Variants in LRRTM3 observed in about 807,000 individuals in gnomAD.
The protein encoded by LRRTM3 is leucine-rich repeat transmembrane neuronal protein 3.
LRRTM3 carries 24 observed loss-of-function variants against 44.7 expected under a neutral mutation model. The observed-to-expected ratio is 0.54, with a 90% CI of 0.39 to 0.76. The LOEUF (loss-of-function observed/expected upper bound fraction) is 0.76. Among genes scored for constraint, LRRTM3 ranks in the 30% least tolerant of loss-of-function variants. LRRTM3 has a pLI of 0.00. For synonymous variants in LRRTM3, 277 were observed against 278.7 expected, an observed-to-expected ratio of 0.99 and a Z score of 0.06; for missense variants, 587 against 702.2, an observed-to-expected ratio of 0.84 and a Z score of 1.85.
Position 67,004,842 on chromosome 10 carries a change from T to C in LRRTM3, c.1536+76390T>C, listed in dbSNP as rs1851880539. On this transcript the variant is annotated intron_variant, in intron 2 of 2. Transcript: ENST00000361320. ...CTTTGTTTAAACATATACAACTATG[T>C]ATGTTCAGTCTGACAAAGCCACCAC... Among the ~76,000 whole-genome samples the C allele has an allele frequency of 5.3e-5, 8 of 152,324 alleles. No homozygotes were observed. In the South Asian group the frequency reaches 1.7e-3, roughly 32 times the overall value.
intron 2 of LRRTM3, among the ~76,000 whole-genome samples, chr10:67,069,436 T>C (rs1466938490): frequency 6.6e-6 from 1 of 152,102 alleles, no homozygotes; most frequent in Non-Finnish European, 1.5e-5. Context: ...GTTTTTGAAG[T>C]ATAAGATTTT....
chr10:66,990,696 A>G (rs1012245204), intron 2 of LRRTM3, among the ~76,000 whole-genome samples: 1 of 152,214 alleles, frequency 6.6e-6, no homozygotes, highest in African/African-American at 2.4e-5. Flanking sequence ...GGATGTTTAT[A>G]GCAAAGTTAA....
At chr10:66,999,829 T>G (rs987646108) in intron 2 of LRRTM3, among the ~76,000 whole-genome samples, 4 of 152,202 alleles carry the variant, frequency 2.6e-5, no homozygotes, top group African/African-American at 9.6e-5. Context: ...TGTATACTAA[T>G]TCTAGTCTTA....
intron 2 of LRRTM3, among the ~76,000 whole-genome samples, chr10:66,993,520 T>G (rs1589563623): frequency 6.6e-6 from 1 of 152,116 alleles, no homozygotes; most frequent in East Asian, 1.9e-4. Context: ...TTAGGCTTCT[T>G]CAACACCATT....
intron 2 of LRRTM3, among the ~76,000 whole-genome samples, chr10:66,937,896 T>C (rs1847796783): frequency 6.6e-6 from 1 of 152,164 alleles, no homozygotes; most frequent in South Asian, 2.1e-4. Context: ...TTCTGTTTTT[T>C]TTCCCCCTCT....
intron 2 of LRRTM3, among the ~76,000 whole-genome samples, chr10:67,037,869 T>C (rs1854159822): frequency 6.6e-6 from 1 of 152,058 alleles, no homozygotes; most frequent in African/African-American, 2.4e-5. Context: ...GTTGATATTA[T>C]GGAAACCCAG....
intron 2 of LRRTM3, among the ~76,000 whole-genome samples, chr10:67,068,098 A>AAGACAAAT (rs1856202480): frequency 6.6e-6 from 1 of 152,232 alleles, no homozygotes; most frequent in Admixed American, 6.5e-5. Context: ...ATCAAATTAG[A>AAGACAAAT]AGACAAATCT....
rs1856698891 is a variant in LRRTM3 at position 67,075,446 on chromosome 10, C to A, written c.1537-22141C>A. ...AGAGCAGAGTTGACTTGGGTCTGGG[C>A]ACAAGTAGGACACCTGCCACTATTA... On this transcript the variant is annotated intron_variant, in intron 2 of 2. Coordinates refer to ENST00000361320, the MANE Select transcript of LRRTM3 (RefSeq NM_178011.5). Among the ~76,000 whole-genome samples, 3 of 151,940 alleles carry A rather than the reference C, an allele frequency of 2.0e-5. No individual in the cohort carries two copies. The South Asian group carries it at 6.2e-4, about 32-fold the overall frequency.
intron 2 of LRRTM3, among the ~76,000 whole-genome samples, chr10:67,004,973 A>T (rs182174269): frequency 9.2e-5 from 14 of 152,248 alleles, no homozygotes; most frequent in Non-Finnish European, 1.8e-4. Flanking sequence ...AATTAGTAAG[A>T]CTGAATTTGT....
chr10:66,994,883 A>G (rs896755581), intron 2 of LRRTM3, among the ~76,000 whole-genome samples: 3 of 152,196 alleles, frequency 2.0e-5, no homozygotes, highest in African/African-American at 7.2e-5. Context: ...TATGAAATGT[A>G]AAACTAGGAA....
At chr10:67,053,754 G>C (rs966631271) in intron 2 of LRRTM3, among the ~76,000 whole-genome samples, 1 of 152,052 alleles carries the variant, frequency 6.6e-6, no homozygotes, top group Non-Finnish European at 1.5e-5. Flanking sequence ...AGTATGAAAC[G>C]AATTCTGCTA....
At chr10:66,929,355 G>A (rs371811586) in intron 2 of LRRTM3, among the ~76,000 whole-genome samples, 235 of 152,326 alleles carry the variant, frequency 1.5e-3, no homozygotes, top group African/African-American at 5.5e-3. Flanking sequence ...GTGGTTGAGA[G>A]CTTACCAGAA....
intron 2 of LRRTM3, among the ~76,000 whole-genome samples, chr10:66,984,935 G>A (rs1357509257): frequency 2.0e-5 from 3 of 151,768 alleles, no homozygotes; most frequent in Non-Finnish European, 4.4e-5. Context: ...ATTAATTCAA[G>A]GTAGGCACCT....
rs71006118 is a variant in LRRTM3 at position 67,066,195 on chromosome 10, CT to C, written c.1537-31375del. 7.3e-3 allele frequency among the ~76,000 whole-genome samples: 901 copies of C among 123,050 alleles called. 22 individuals carry two copies. Among genetic ancestry groups the C allele is most frequent in the Admixed American group, 0.053 (632 of 11,974 alleles). The allele number at this position is 123,050 out of a possible 152,430, so 80.7% of individuals were successfully genotyped here. A position where few individuals can be genotyped will look rare whatever the true frequency, so the allele number is the denominator to read the frequency against. ...CTGCTGTGCCCACTGAAGTCACTGG[CT>C]TTTTTTTTTTTTTTTTGAGACAGTC... On this transcript the variant is annotated intron_variant, in intron 2 of 2. Transcript: ENST00000361320.
intron 2 of LRRTM3, among the ~76,000 whole-genome samples, chr10:67,094,214 A>C (rs1451913082): frequency 6.6e-6 from 1 of 151,918 alleles, no homozygotes; most frequent in East Asian, 1.9e-4. Context: ...TCCCTTACAA[A>C]TTTAGATAAT....
chr10:66,973,726 T>C (rs925602298), intron 2 of LRRTM3, among the ~76,000 whole-genome samples: 2 of 152,082 alleles, frequency 1.3e-5, no homozygotes, highest in Non-Finnish European at 2.9e-5. Context: ...CAGGTTCAAG[T>C]GATTCTCCTG....
intron 2 of LRRTM3, among the ~76,000 whole-genome samples, chr10:67,080,541 T>G (rs1856994075): frequency 6.6e-6 from 1 of 152,192 alleles, no homozygotes; most frequent in South Asian, 2.1e-4. Flanking sequence ...TTATTTATCA[T>G]TCCTATGCTT....
Position 66,965,567 on chromosome 10 carries a change from T to G in LRRTM3, c.1536+37115T>G, listed in dbSNP as rs1217410131. Among the ~76,000 whole-genome samples the G allele has an allele frequency of 7.2e-3, 16 of 2,222 alleles. No individual in the cohort carries two copies. The South Asian group carries it at 0.3, about 42-fold the overall frequency. The allele number at this position is 2,222 out of a possible 152,430, so 1.5% of individuals were successfully genotyped here. On this transcript the variant is annotated intron_variant, in intron 2 of 2. Transcript: ENST00000361320. ...AAGAAAAGAAAAAAAAAAAAGCTGT[T>G]TTTTTTTTTTTTGTAATTAAACCAA...
intron 2 of LRRTM3, among the ~76,000 whole-genome samples, chr10:67,083,865 TAA>T (rs1280250446): frequency 6.6e-6 from 1 of 152,138 alleles, no homozygotes; most frequent in Non-Finnish European, 1.5e-5. Flanking sequence ...TATTAAAATG[TAA>T]GTAATCAAAG....
Sources: allele counts gnomAD v4.1 joint callset (sites outside exome capture counted in the v4.1 genomes callset), GRCh38; gene constraint gnomAD v4.1.1; transcripts MANE v1.5; gene names NCBI Gene and HGNC (gene_info 2026-07-23, HGNC 2026-07-21).